Variants in ARPC5L observed in about 807,000 individuals in gnomAD.
The protein encoded by ARPC5L is actin related protein 2/3 complex subunit 5 like, also known as actin-related protein 2/3 complex subunit 5-like protein.
ARPC5L carries 4 observed loss-of-function variants against 16.9 expected under a neutral mutation model. The observed-to-expected ratio is 0.24, with a 90% CI of 0.12 to 0.54. ARPC5L has a LOEUF of 0.54. Ranked by LOEUF, ARPC5L falls within the 20% of genes least tolerant of loss-of-function variation. The probability of loss-of-function intolerance (pLI) is 0.95; values close to 1 mark genes in which losing one functional copy is unlikely to be tolerated. For synonymous variants in ARPC5L, 78 were observed against 82.6 expected, an observed-to-expected ratio of 0.94 and a Z score of 0.30; for missense variants, 151 against 201.9, an observed-to-expected ratio of 0.75 and a Z score of 1.53.
chr9:124,869,476 G>GGCCTTCTCACCTTCCC, intron 3 of ARPC5L, 37 bp downstream of exon 3: 2 of 1,421,044 alleles, frequency 1.4e-6, no homozygotes, highest in East Asian at 3.0e-5. Flanking sequence ...GCCTGCGCGC[G>GGCCTTCTCACCTTCCC]GCCTTCTCAC....
At position 124,862,133 on chromosome 9, in the gene ARPC5L, C is replaced by T; in HGVS notation, c.-1249C>T. 1 of 514,300 alleles carries T rather than the reference C, an allele frequency of 1.9e-6. No homozygotes were observed. The highest frequency in any genetic ancestry group is 3.3e-6 in the Non-Finnish European group (1 of 303,098). The allele number at this position is 514,300 out of a possible 1,614,324, so 31.9% of individuals were successfully genotyped here. On this transcript the variant is annotated 5_prime_UTR_variant, in exon 1 of 6. Transcript: ENST00000353214. ...CCCGCCTTGTAGTGCTCGCCTCATT[C>T]ACGGCACCCCTGATAGCGAGGTCGG...
At position 124,873,715 on chromosome 9, in the gene ARPC5L, A is replaced by G. The variant is rs140076632; in HGVS notation, c.173A>G (p.His58Arg). The G allele has an allele frequency of 2.3e-4, 364 of 1,614,094 alleles. No homozygotes were observed. Among genetic ancestry groups the G allele is most frequent in the Non-Finnish European group, 2.7e-4 (320 of 1,180,044 alleles). Residue 58 changes from histidine (H) to arginine (R), a missense_variant, in exon 4 of 6, where the codon CAT becomes CGT. Transcript: ENST00000353214. The stretch of plus-strand genomic sequence containing the variant: ...ACAGGGGACATGCTTCGGGCATTCC[A>G]TGCAGCCTTGCGGAACTCTCCCGTC... ...LRQGDMLRAF[H>R]AALRNSPVNT...
At chr9:124,867,752 G>T (rs1588041332) in intron 2 of ARPC5L, among the ~76,000 whole-genome samples, 1 of 150,852 alleles carries the variant, frequency 6.6e-6, no homozygotes. Context: ...ATATGGAACT[G>T]TATTGCAGGT....
Position 124,869,059 on chromosome 9 carries a change from A to C in ARPC5L, c.-232A>C. On this transcript the variant is annotated 5_prime_UTR_variant, in exon 3 of 6. Transcript: ENST00000353214. ...CACTGAGGTGGGGGAGGCTGCGGTGATCCCATACCGCACTCCAGGTGCCAG... is the reference window on the plus strand; with the variant it reads ...CACTGAGGTGGGGGAGGCTGCGGTGCTCCCATACCGCACTCCAGGTGCCAG... The C allele has an allele frequency of 4.9e-6, 2 of 406,214 alleles. No individual in the cohort carries two copies. The highest frequency in any genetic ancestry group is 8.5e-6 in the Non-Finnish European group (2 of 235,222). The allele number at this position is 406,214 out of a possible 1,614,324, so 25.2% of individuals were successfully genotyped here.
chr9:124,869,197 C>T lies in ARPC5L; in HGVS notation c.-94C>T, dbSNP rs535215872. On this transcript the variant is annotated 5_prime_UTR_variant, in exon 3 of 6. Coordinates refer to ENST00000353214, the MANE Select transcript of ARPC5L (RefSeq NM_030978.3). ...GAGGTGCTGGGAGCAGCCGGGCAGC[C>T]GCTTCCCGCCCCCGAGCAGGAGCCG... 1.6e-5 allele frequency: 21 copies of T among 1,313,080 alleles called. No homozygotes were observed. Among genetic ancestry groups the T allele is most frequent in the Middle Eastern group, 2.9e-4 (1 of 3,504 alleles). The allele number at this position is 1,313,080 out of a possible 1,614,324, so 81.3% of individuals were successfully genotyped here. A position where few individuals can be genotyped will look rare whatever the true frequency, so the allele number is the denominator to read the frequency against.
intron 4 of ARPC5L, among the ~76,000 whole-genome samples, chr9:124,873,983 C>T (rs758059917): frequency 7.9e-5 from 12 of 152,242 alleles, no homozygotes; most frequent in East Asian, 3.8e-4. Flanking sequence ...GAAGCCTTCA[C>T]TCCTGCTCAC....
chr9:124,874,546 T>A (rs986619586), intron 4 of ARPC5L, among the ~76,000 whole-genome samples: 1 of 151,944 alleles, frequency 6.6e-6, no homozygotes, highest in Non-Finnish European at 1.5e-5. Context: ...ATAAAAAAAA[T>A]AATTAGCTGG....
At chr9:124,875,377 G>A (rs1021566538) in intron 5 of ARPC5L, among the ~76,000 whole-genome samples, 2 of 152,150 alleles carry the variant, frequency 1.3e-5, no homozygotes, top group Non-Finnish European at 2.9e-5. Context: ...TTTAGCTGCC[G>A]ATTTATGTCA....
At chr9:124,868,172 A>G (rs1034493787) in intron 2 of ARPC5L, among the ~76,000 whole-genome samples, 9 of 151,856 alleles carry the variant, frequency 5.9e-5, no homozygotes, top group African/African-American at 2.2e-4. Flanking sequence ...GTCTGGCAAT[A>G]TTTTTTTTAT....
chr9:124,864,316 G>T (rs1219194813), intron 2 of ARPC5L, among the ~76,000 whole-genome samples: 1 of 151,434 alleles, frequency 6.6e-6, no homozygotes, highest in African/African-American at 2.4e-5. Context: ...CTCCTGAATA[G>T]CTGGGATTAC....
intron 3 of ARPC5L, among the ~76,000 whole-genome samples, chr9:124,872,094 G>C (rs1265035930): frequency 2.6e-5 from 4 of 152,206 alleles, no homozygotes; most frequent in African/African-American, 9.6e-5. Context: ...AATGGGCCGA[G>C]TGATTGCTGG....
At chr9:124,876,290 C>T (rs1829433141) in intron 5 of ARPC5L, among the ~76,000 whole-genome samples, 1 of 152,072 alleles carries the variant, frequency 6.6e-6, no homozygotes, top group East Asian at 1.9e-4. Context: ...AGCTCAAGAC[C>T]AGCCTGGGCA....
At chr9:124,866,539 T>C (rs1269256431) in intron 2 of ARPC5L, among the ~76,000 whole-genome samples, 1 of 151,956 alleles carries the variant, frequency 6.6e-6, no homozygotes, top group Non-Finnish European at 1.5e-5. Flanking sequence ...CCAGCCAACA[T>C]GGAGAAACCC....
intron 5 of ARPC5L, among the ~76,000 whole-genome samples, chr9:124,875,779 G>A (rs534137350): frequency 6.6e-6 from 1 of 152,272 alleles, no homozygotes; most frequent in Admixed American, 6.5e-5. Flanking sequence ...CCCTAGTGCC[G>A]CAGTAAGCAC....
chr9:124,863,000 ACCAGGC>A (rs933988081), intron 1 of ARPC5L, among the ~76,000 whole-genome samples: 2 of 150,616 alleles, frequency 1.3e-5, no homozygotes, highest in African/African-American at 4.9e-5. Context: ...GGCACAAGCC[ACCAGGC>A]CTGGCTAATT....
rs746911510 is a variant in ARPC5L, at chr9:124,867,971, G to A, written c.-863-457G>A. Among the ~76,000 whole-genome samples, 60 of 151,886 alleles carry A rather than the reference G, an allele frequency of 4.0e-4. 1 individual carries two copies. The highest frequency in any genetic ancestry group is 7.5e-4 in the Non-Finnish European group (51 of 67,994). ...ATTACAGGCATGCGCCAGCACGCCC[G>A]GCTAATTTTGTATTTCTAGTAGACA... On this transcript the variant is annotated intron_variant, in intron 2 of 5. Coordinates refer to ENST00000353214, the MANE Select transcript of ARPC5L (RefSeq NM_030978.3).
chr9:124,864,542 A>G (rs894817707), intron 2 of ARPC5L, among the ~76,000 whole-genome samples: 1 of 151,746 alleles, frequency 6.6e-6, no homozygotes, highest in Admixed American at 6.6e-5. Context: ...TTGTTTTTTT[A>G]GTAGAGACGG....
At chr9:124,863,478 G>C (rs1829232356) in intron 1 of ARPC5L, among the ~76,000 whole-genome samples, 1 of 152,270 alleles carries the variant, frequency 6.6e-6, no homozygotes, top group Admixed American at 6.5e-5. Flanking sequence ...AACCTGACCA[G>C]GTTTCAAATT....
chr9:124,870,782 C>T lies in ARPC5L; in HGVS notation c.149+1343C>T, dbSNP rs567527269. On this transcript the variant is annotated intron_variant, in intron 3 of 5. Transcript: ENST00000353214. The stretch of plus-strand genomic sequence containing the variant: ...CCTTTGGCCCAGGACTCTCATTGAA[C>T]AGATGAGATCAAGCCTGTCAGCTGC... Among the ~76,000 whole-genome samples the T allele has an allele frequency of 6.6e-5, 10 of 152,294 alleles. No individual in the cohort carries two copies. The South Asian group carries it at 2.1e-3, about 32-fold the overall frequency.
Sources: gnomAD v4.1 joint callset for allele counts (sites outside exome capture counted in the v4.1 genomes callset) on GRCh38, gnomAD v4.1.1 for gene constraint, MANE v1.5 for transcripts, NCBI Gene and HGNC (gene_info 2026-07-23, HGNC 2026-07-21) for gene names.